The following ZNF804B variants were observed in gnomAD, a reference collection of about 807,000 sequenced individuals.
The protein encoded by ZNF804B is zinc finger protein 804B.
ZNF804B carries 80 observed loss-of-function variants against 101.4 expected under a neutral mutation model. That is an observed-to-expected ratio of 0.79 (90% CI 0.66 to 0.95). ZNF804B has a LOEUF of 0.95. Ranked by LOEUF, ZNF804B falls within the 40% of genes least tolerant of loss-of-function variation. ZNF804B has a pLI of 0.00. For missense variants in ZNF804B, 1,673 were observed against 1,561.9 expected, an observed-to-expected ratio of 1.07 and a Z score of -1.20; for synonymous variants, 622 against 558.8, an observed-to-expected ratio of 1.11 and a Z score of -1.59.
chr7:89,008,120 G>A (rs1788397637), intron 1 of ZNF804B, among the ~76,000 whole-genome samples: 1 of 152,096 alleles, frequency 6.6e-6, no homozygotes, highest in Non-Finnish European at 1.5e-5. Context: ...TAGTCTATCA[G>A]ACAGCTTCTA....
chr7:89,231,628 G>A (rs1258282669), intron 2 of ZNF804B, among the ~76,000 whole-genome samples: 1 of 151,764 alleles, frequency 6.6e-6, no homozygotes, highest in African/African-American at 2.4e-5. Context: ...CAGAAATCTT[G>A]TGTAGTTTTT....
At chr7:88,860,437 A>G (rs535905961) in intron 1 of ZNF804B, among the ~76,000 whole-genome samples, 9 of 152,058 alleles carry the variant, frequency 5.9e-5, no homozygotes, top group Non-Finnish European at 1.3e-4. Flanking sequence ...GCATATTTTT[A>G]TGTATGCCCT....
At chr7:88,828,221 G>T (rs1264199087) in intron 1 of ZNF804B, among the ~76,000 whole-genome samples, 1 of 151,944 alleles carries the variant, frequency 6.6e-6, no homozygotes, top group African/African-American at 2.4e-5. Flanking sequence ...TGCAATAAAT[G>T]CAACCATTTT....
chr7:89,066,839 C>T (rs10248096), intron 1 of ZNF804B, among the ~76,000 whole-genome samples: 123,718 of 151,880 alleles, frequency 0.81, 50,776 homozygotes, highest in African/African-American at 0.92. Flanking sequence ...CTCAGCTCAC[C>T]GCAACCTCCG....
intron 2 of ZNF804B, among the ~76,000 whole-genome samples, chr7:89,245,375 G>A (rs1048649229): frequency 3.9e-5 from 6 of 151,982 alleles, no homozygotes; most frequent in African/African-American, 9.7e-5. Flanking sequence ...ACTTTGGTTG[G>A]AAAAATATGA....
At chr7:89,252,667 T>C (rs998172874) in intron 2 of ZNF804B, among the ~76,000 whole-genome samples, 1 of 152,182 alleles carries the variant, frequency 6.6e-6, no homozygotes, top group Non-Finnish European at 1.5e-5. Flanking sequence ...GTAAAGACAA[T>C]GTAGTACATA....
intron 1 of ZNF804B, among the ~76,000 whole-genome samples, chr7:88,895,531 C>G (rs974145252): frequency 6.6e-6 from 1 of 152,170 alleles, no homozygotes; most frequent in African/African-American, 2.4e-5. Context: ...AGCGATGATA[C>G]CCCATTAGCA....
At chr7:88,974,245 T>C (rs914213254) in intron 1 of ZNF804B, among the ~76,000 whole-genome samples, 15 of 149,962 alleles carry the variant, frequency 1.0e-4, no homozygotes, top group East Asian at 2.0e-4. Context: ...TGTAAATACA[T>C]ATATATGAAA....
intron 2 of ZNF804B, among the ~76,000 whole-genome samples, chr7:89,229,067 C>T (rs917987079): frequency 1.3e-5 from 2 of 152,316 alleles, no homozygotes; most frequent in East Asian, 1.9e-4. Context: ...CGCGCTGGCA[C>T]GCAAGCACCA....
chr7:89,267,802 T>C (rs1314998359), intron 2 of ZNF804B, among the ~76,000 whole-genome samples: 1 of 152,118 alleles, frequency 6.6e-6, no homozygotes, highest in African/African-American at 2.4e-5. Context: ...TTTCTTAACA[T>C]AGAAAGTACC....
At chr7:89,301,098 T>TG (rs1342222694) in intron 2 of ZNF804B, among the ~76,000 whole-genome samples, 6 of 88,590 alleles carry the variant, frequency 6.8e-5, no homozygotes, top group Non-Finnish European at 1.2e-4. Flanking sequence ...TTTTCAAGCG[T>TG]GTTTTTTTTT....
intron 1 of ZNF804B, among the ~76,000 whole-genome samples, chr7:88,776,447 T>C (rs1263758088): frequency 2.0e-5 from 3 of 152,130 alleles, no homozygotes; most frequent in Non-Finnish European, 4.4e-5. Context: ...GCCCTGTGTT[T>C]TCACAACTCT....
chr7:89,191,904 T>A (rs897489966), intron 1 of ZNF804B, among the ~76,000 whole-genome samples: 4 of 152,118 alleles, frequency 2.6e-5, no homozygotes, highest in Non-Finnish European at 5.9e-5. Flanking sequence ...TGTTAAATTA[T>A]ACTTTGCTTA....
intron 1 of ZNF804B, among the ~76,000 whole-genome samples, chr7:89,048,610 T>C (rs1157692740): frequency 2.0e-5 from 3 of 151,934 alleles, no homozygotes; most frequent in Non-Finnish European, 4.4e-5. Context: ...TTAATTCAGT[T>C]ACCTTAATTA....
chr7:88,905,895 CTTT>C (rs58138257), intron 1 of ZNF804B, among the ~76,000 whole-genome samples: 4,706 of 81,668 alleles, frequency 0.058, 107 homozygotes, highest in Middle Eastern at 0.1. Context: ...TGGGTTGAGG[CTTT>C]TTTTTTTTTT....
chr7:88,857,203 T>C (rs1189816070), intron 1 of ZNF804B, among the ~76,000 whole-genome samples: 1 of 151,850 alleles, frequency 6.6e-6, no homozygotes, highest in Non-Finnish European at 1.5e-5. Context: ...TTAAAAGAAC[T>C]AGAGAAGCAA....
At chr7:89,256,885 A>G (rs1789639395) in intron 2 of ZNF804B, among the ~76,000 whole-genome samples, 1 of 152,156 alleles carries the variant, frequency 6.6e-6, no homozygotes, top group Non-Finnish European at 1.5e-5. Context: ...CTTTCATAAC[A>G]TCTGGTGGCG....
At chr7:89,094,309 G>A (rs1789938800) in intron 1 of ZNF804B, among the ~76,000 whole-genome samples, 2 of 152,040 alleles carry the variant, frequency 1.3e-5, no homozygotes, top group East Asian at 1.9e-4. Flanking sequence ...GTTTTCAAAT[G>A]TTTATTTAAC....
chr7:89,250,933 T>C (rs1257092191), intron 2 of ZNF804B, among the ~76,000 whole-genome samples: 1 of 152,126 alleles, frequency 6.6e-6, no homozygotes, highest in Non-Finnish European at 1.5e-5. Context: ...CATCAAAAGA[T>C]TGTACCTCAA....
Sources: gnomAD v4.1 joint callset for allele counts (sites outside exome capture counted in the v4.1 genomes callset) on GRCh38, gnomAD v4.1.1 for gene constraint, MANE v1.5 for transcripts, NCBI Gene and HGNC (gene_info 2026-07-23, HGNC 2026-07-21) for gene names.